Variants in GALNT2 observed in about 807,000 individuals in gnomAD.
The protein encoded by GALNT2 is UDP-GalNAc:polypeptide N-acetylgalactosaminyltransferase 2.
GALNT2 carries 31 observed loss-of-function variants against 81.4 expected under a neutral mutation model. The ratio of observed to expected loss-of-function variants is 0.38; its 90% confidence interval spans 0.29 to 0.51. GALNT2 has a LOEUF of 0.51. GALNT2 is among the 20% of genes least tolerant of loss of function. GALNT2 has a pLI of 0.87. For missense variants in GALNT2, 629 were observed against 765.7 expected, an observed-to-expected ratio of 0.82 and a Z score of 2.11; for synonymous variants, 303 against 287.4, an observed-to-expected ratio of 1.05 and a Z score of -0.55.
At chr1:230,184,477 C>T (rs1225545188) in intron 2 of GALNT2, among the ~76,000 whole-genome samples, 1 of 152,034 alleles carries the variant, frequency 6.6e-6, no homozygotes, top group Non-Finnish European at 1.5e-5. Context: ...GCGTGAGCCA[C>T]CGCGCCTGGC....
intron 3 of GALNT2, among the ~76,000 whole-genome samples, chr1:230,217,875 G>A (rs567294182): frequency 2.1e-4 from 32 of 152,310 alleles, no homozygotes; most frequent in African/African-American, 7.5e-4. Context: ...TAAAGGTTCT[G>A]TCACCACTAC....
At chr1:230,139,209 A>T (rs997260689) in intron 1 of GALNT2, among the ~76,000 whole-genome samples, 1 of 152,216 alleles carries the variant, frequency 6.6e-6, no homozygotes, top group Non-Finnish European at 1.5e-5. Flanking sequence ...AAGGTATCTA[A>T]TAATCCCCAT....
chr1:230,072,658 C>T (rs139023720), intron 1 of GALNT2, among the ~76,000 whole-genome samples: 1 of 152,360 alleles, frequency 6.6e-6, no homozygotes, highest in Non-Finnish European at 1.5e-5. Flanking sequence ...TGGAAACACA[C>T]TGGCTTAGCC....
chr1:230,161,203 G>A (rs1052201503), intron 1 of GALNT2, among the ~76,000 whole-genome samples: 1 of 152,218 alleles, frequency 6.6e-6, no homozygotes, highest in African/African-American at 2.4e-5. Flanking sequence ...AGTGATAGCA[G>A]CGTTGGCTGG....
At chr1:230,061,609 A>G (rs1044059424) in intron 1 of GALNT2, among the ~76,000 whole-genome samples, 3 of 151,622 alleles carry the variant, frequency 2.0e-5, no homozygotes, top group Admixed American at 2.0e-4. Flanking sequence ...TCTTGATTTT[A>G]TTTTGTTTTT....
At chr1:230,089,038 A>G (rs972850235) in intron 1 of GALNT2, among the ~76,000 whole-genome samples, 1 of 151,980 alleles carries the variant, frequency 6.6e-6, no homozygotes, top group African/African-American at 2.4e-5. Context: ...TCCACTTGCC[A>G]TAGTTTTTGA....
At chr1:230,210,195 C>T (rs1292251579) in intron 3 of GALNT2, among the ~76,000 whole-genome samples, 3 of 152,134 alleles carry the variant, frequency 2.0e-5, no homozygotes. Context: ...TAGAGGAACC[C>T]AGGAAGTTTA....
chr1:230,202,672 T>C (rs1452390401), intron 2 of GALNT2, among the ~76,000 whole-genome samples: 2 of 152,250 alleles, frequency 1.3e-5, no homozygotes, highest in Non-Finnish European at 2.9e-5. Flanking sequence ...TCCTGTTCTT[T>C]AGGGGTTATT....
chr1:230,173,482 G>A (rs1333738326), intron 1 of GALNT2, among the ~76,000 whole-genome samples: 1 of 152,192 alleles, frequency 6.6e-6, no homozygotes, highest in Admixed American at 6.5e-5. Flanking sequence ...TCCTTTGAGG[G>A]TGGTGGAAAC....
chr1:230,095,800 G>A (rs1378434182), intron 1 of GALNT2, among the ~76,000 whole-genome samples: 1 of 152,212 alleles, frequency 6.6e-6, no homozygotes, highest in Non-Finnish European at 1.5e-5. Flanking sequence ...CAACTGCCAT[G>A]CTAGAAGACG....
intron 2 of GALNT2, among the ~76,000 whole-genome samples, chr1:230,188,169 T>C (rs533344924): frequency 8.8e-4 from 134 of 152,316 alleles, no homozygotes; most frequent in African/African-American, 3.1e-3. Context: ...ATGTCTGTCA[T>C]TTTCTTTCTT....
chr1:230,200,177 C>A (rs1179830935), intron 2 of GALNT2, among the ~76,000 whole-genome samples: 1 of 151,786 alleles, frequency 6.6e-6, no homozygotes, highest in Non-Finnish European at 1.5e-5. Flanking sequence ...ATTCTCCTGC[C>A]TCAGCCTCCT....
chr1:230,213,129 A>ATTTGCT (rs1664284956), intron 3 of GALNT2, among the ~76,000 whole-genome samples: 2 of 152,118 alleles, frequency 1.3e-5, no homozygotes, highest in South Asian at 4.1e-4. Flanking sequence ...GAGTTGTGTG[A>ATTTGCT]TTTGCTTTCT....
At position 230,278,466 on chromosome 1, in the gene GALNT2, A is replaced by C. The variant is rs140831564; in HGVS notation, c.1561-837A>C. On this transcript the variant is annotated intron_variant, in intron 15 of 15. Coordinates refer to ENST00000366672, the MANE Select transcript of GALNT2 (RefSeq NM_004481.5). The stretch of plus-strand genomic sequence containing the variant: ...TGTTACTTGCTAAACAGGGCTCCTC[A>C]GATTTCCTTCAGGCTGGGTTGTGCA... Among the ~76,000 whole-genome samples, 1,207 of 152,206 alleles carry C rather than the reference A, an allele frequency of 7.9e-3. 4 individuals are homozygous for C. Among genetic ancestry groups the C allele is most frequent in the Middle Eastern group, 0.031 (9 of 294 alleles).
intron 14 of GALNT2, among the ~76,000 whole-genome samples, chr1:230,272,344 C>T (rs116360935): frequency 0.044 from 6,702 of 152,122 alleles, 193 homozygotes; most frequent in Non-Finnish European, 0.064. Context: ...GCCTCCATGC[C>T]GTGTTTGGAA....
chr1:230,091,943 A>C (rs779655868), intron 1 of GALNT2: 4 of 152,168 alleles, frequency 2.6e-5, no homozygotes, highest in South Asian at 4.1e-4. Context: ...TACTTCCCTG[A>C]TATCTAGAAT....
chr1:230,217,912 A>G (rs1176385984), intron 3 of GALNT2, among the ~76,000 whole-genome samples: 1 of 152,218 alleles, frequency 6.6e-6, no homozygotes, highest in Non-Finnish European at 1.5e-5. Context: ...CAACACCTGA[A>G]TTTTGGAAGA....
At chr1:230,135,140 A>G (rs1255062745) in intron 1 of GALNT2, among the ~76,000 whole-genome samples, 2 of 152,094 alleles carry the variant, frequency 1.3e-5, no homozygotes, top group African/African-American at 4.8e-5. Context: ...TCCCCATTTC[A>G]GAGATGTCGG....
chr1:230,122,260 C>T (rs1223687729), intron 1 of GALNT2, among the ~76,000 whole-genome samples: 1 of 152,148 alleles, frequency 6.6e-6, no homozygotes, highest in African/African-American at 2.4e-5. Context: ...TTATATTTGG[C>T]TAGTGGACCA....
Sources: allele counts gnomAD v4.1 joint callset (sites outside exome capture counted in the v4.1 genomes callset), GRCh38; gene constraint gnomAD v4.1.1; transcripts MANE v1.5; gene names NCBI Gene and HGNC (gene_info 2026-07-23, HGNC 2026-07-21).